KRT28: variants seen among roughly 807,000 people sequenced by gnomAD.
KRT28 encodes the protein keratin, type I cytoskeletal 28.
Under a neutral mutation model 48.1 loss-of-function variants are expected in KRT28, and 45 were observed. That is an observed-to-expected ratio of 0.94 (90% CI 0.74 to 1.20). The LOEUF is 1.20. KRT28 is among the 50% of genes most tolerant of loss of function. KRT28 has a pLI of 0.00. For synonymous variants in KRT28, 228 were observed against 227.4 expected (o/e 1.00, Z -0.03); for missense variants, 571 against 574.1 (o/e 0.99, Z 0.06).
At chr17:40,799,068 T>A (rs1249028232) in intron 1 of KRT28, 69 bp from the exon 2 acceptor site, 1 of 983,014 alleles carries the variant, frequency 1.0e-6, no homozygotes, top group African/African-American at 1.7e-5. Context: ...TTTCAGGAAA[T>A]GAAAAAGGTT....
In KRT28 at chr17:40,792,246, C is replaced by A; in HGVS notation, c.*181G>T. On this transcript the variant is annotated 3_prime_UTR_variant, in exon 8 of 8. Coordinates refer to ENST00000306658, the MANE Select transcript of KRT28 (RefSeq NM_181535.3). Reference sequence around the variant, plus strand: ...AGTCATCAGTGAATGGAAATGAATGCACATCAACTTTTTTATTTATTGGAA... The same window carrying A: ...AGTCATCAGTGAATGGAAATGAATGAACATCAACTTTTTTATTTATTGGAA... 1 of 441,818 alleles carries A rather than the reference C, an allele frequency of 2.3e-6. No individual in the cohort carries two copies. The highest frequency in any genetic ancestry group is 3.9e-6 in the Non-Finnish European group (1 of 254,710). The allele number at this position is 441,818 out of a possible 1,614,324, so 27.4% of individuals were successfully genotyped here.
At chr17:40,795,836 C>T (rs1904600552) in intron 5 of KRT28, among the ~76,000 whole-genome samples, 3 of 152,122 alleles carry the variant, frequency 2.0e-5, no homozygotes, top group Admixed American at 1.3e-4. Context: ...GCTCCTGCAG[C>T]AGGAACAGAG....
Position 40,797,271 on chromosome 17 carries a change from G to C in KRT28, c.701C>G (p.Ala234Gly). Residue 234 changes from alanine (A) to glycine (G), a missense_variant, in exon 4 of 8, where the codon GCT becomes GGT. Transcript: ENST00000306658. ...LKKNHEEEMK[A>G]LQCAAGGNVN... ...GTTGCCCCCAGCCGCGCACTGCAGA[G>C]CCTTCATCTCCTGGAGAGAAGCAAG... is the stretch of plus-strand genomic sequence containing the variant. The C allele has an allele frequency of 6.2e-7, 1 of 1,613,502 alleles. No individual in the cohort carries two copies. Among genetic ancestry groups the C allele is most frequent in the Non-Finnish European group, 8.5e-7 (1 of 1,179,594 alleles).
At chr17:40,794,840 C>T (rs1426530445) in intron 5 of KRT28, among the ~76,000 whole-genome samples, 4 of 152,100 alleles carry the variant, frequency 2.6e-5, no homozygotes, top group Non-Finnish European at 4.4e-5. Context: ...CTTTCATTTT[C>T]CTTTTCTTGT....
Position 40,798,528 on chromosome 17 carries a change from C to T in KRT28, c.534-137G>A, listed in dbSNP as rs894843717. On this transcript the variant is annotated intron_variant, in intron 2 of 7. Coordinates refer to ENST00000306658, the MANE Select transcript of KRT28 (RefSeq NM_181535.3). ...ATAGTATAAAAATATATGAAGAAAGCGCTCCTGCATTACCCCCACTCAATT... is the reference window on the plus strand; with the variant it reads ...ATAGTATAAAAATATATGAAGAAAGTGCTCCTGCATTACCCCCACTCAATT... 31 of 910,070 alleles carry T rather than the reference C, an allele frequency of 3.4e-5. No homozygotes were observed. In the Admixed American group the frequency reaches 4.5e-4, roughly 13 times the overall value. 56.4% of individuals were successfully genotyped at this position (910,070 alleles called of 1,614,324 possible).
In KRT28 at chr17:40,799,743, C is replaced by T. The variant is rs1283908158; in HGVS notation, c.151G>A (p.Gly51Arg). The change falls in exon 1 of 8, where the codon GGG becomes AGG. Residue 51 changes from glycine (G) to arginine (R), a missense_variant. By Grantham distance (125) the Gly-to-Arg change is moderately radical. Coordinates refer to ENST00000306658, the MANE Select transcript of KRT28 (RefSeq NM_181535.3). ...AGSEFSCALGGGLGSVPGGSH... is the reference protein window; with the variant it reads ...AGSEFSCALGRGLGSVPGGSH... ...CCACCAGGAACACTGCCCAAGCCCC[C>T]TCCCAAGGCACAGGAAAATTCACTT... 6.2e-7 allele frequency: 1 copy of T among 1,613,990 alleles called. No individual in the cohort carries two copies. Among genetic ancestry groups the T allele is most frequent in the Admixed American group, 1.7e-5 (1 of 59,996 alleles).
intron 5 of KRT28, among the ~76,000 whole-genome samples, chr17:40,796,076 T>A (rs1253564971): frequency 1.3e-5 from 2 of 152,158 alleles, no homozygotes; most frequent in Non-Finnish European, 2.9e-5. Context: ...ATCAAAAGAA[T>A]CTCCCGTTGT....
In KRT28 at chr17:40,792,413, C is replaced by A. The variant is rs1233983782; in HGVS notation, c.*14G>T. ...GGATCCTTTCCCAAATTATTCTTTT[C>A]TCTAAAATGACAGCTAGAAAGGAAC... On this transcript the variant is annotated 3_prime_UTR_variant, in exon 8 of 8. Transcript: ENST00000306658. 2 of 1,600,670 alleles carry A rather than the reference C, an allele frequency of 1.2e-6. No homozygotes were observed. The highest frequency in any genetic ancestry group is 1.7e-6 in the Non-Finnish European group (2 of 1,173,946).
chr17:40,797,429 A>C, intron 3 of KRT28, 148 bp from the exon 4 acceptor site: 1 of 740,262 alleles, frequency 1.4e-6, no homozygotes, highest in Non-Finnish European at 2.2e-6. Context: ...TATTCGGTCC[A>C]TATTCATGCC....
At position 40,792,391 on chromosome 17, in the gene KRT28, T is replaced by C. The variant is rs1318347918; in HGVS notation, c.*36A>G. The C allele has an allele frequency of 1.3e-6, 2 of 1,574,688 alleles. No homozygotes were observed. Among genetic ancestry groups the C allele is most frequent in the East Asian group, 4.5e-5 (2 of 44,374 alleles). On this transcript the variant is annotated 3_prime_UTR_variant, in exon 8 of 8. Transcript: ENST00000306658. ...TTTAGAATAATGCAATTGTACAGGATCCTTTCCCAAATTATTCTTTTCTCT... is the reference window on the plus strand; with the variant it reads ...TTTAGAATAATGCAATTGTACAGGACCCTTTCCCAAATTATTCTTTTCTCT...
rs1278211856 is a variant in KRT28 at position 40,799,056 on chromosome 17, T to G, written c.451-57A>C. ...GTAAGTATGCTTTTATGTGATTCAT[T>G]ATTTCAGGAAATGAAAAAGGTTACT... is the stretch of plus-strand genomic sequence containing the variant. On this transcript the variant is annotated intron_variant, in intron 1 of 7. Coordinates refer to ENST00000306658, the MANE Select transcript of KRT28 (RefSeq NM_181535.3). 4 of 1,056,348 alleles carry G rather than the reference T, an allele frequency of 3.8e-6. No individual in the cohort carries two copies. The East Asian group carries it at 1.0e-4, about 27-fold the overall frequency. 65.4% of individuals were successfully genotyped at this position (1,056,348 alleles called of 1,614,324 possible).
At chr17:40,793,320 C>T (rs1226274225) in intron 6 of KRT28, 110 bp from the exon 7 acceptor site, 1 of 603,702 alleles carries the variant, frequency 1.7e-6, no homozygotes, top group East Asian at 3.4e-5. Flanking sequence ...TCTTAGTTTT[C>T]TATAGAGGAA....
intron 5 of KRT28, among the ~76,000 whole-genome samples, chr17:40,795,114 G>C (rs141638668): frequency 2.6e-5 from 4 of 152,116 alleles, no homozygotes; most frequent in Middle Eastern, 6.8e-3. Flanking sequence ...TTGTCTTAAC[G>C]GGCAGACATT....
At chr17:40,797,397 G>A (rs1158284692) in intron 3 of KRT28, 116 bp from the exon 4 acceptor site, 4 of 966,084 alleles carry the variant, frequency 4.1e-6, no homozygotes, top group Non-Finnish European at 6.2e-6. Context: ...ATAATTTATG[G>A]CACACAATTT....
At position 40,799,470 on chromosome 17, in the gene KRT28, G is replaced by T. The variant is rs779356749; in HGVS notation, c.424C>A (p.Leu142Ile). 1 of 1,609,462 alleles carries T rather than the reference G, an allele frequency of 6.2e-7. No individual in the cohort carries two copies. The highest frequency in any genetic ancestry group is 8.5e-7 in the Non-Finnish European group (1 of 1,176,594). Residue 142 changes from leucine to isoleucine, a missense_variant, in exon 1 of 8, where the codon CTA (leucine) becomes ATA (isoleucine). Transcript: ENST00000306658. The stretch of plus-strand genomic sequence containing the variant: ...TTATTCTTAAGATCCTCAATTGTTA[G>T]GTGATATCTGCTATAGTCATGATCA... Reference protein sequence around the residue: ...GLDHDYSRYHLTIEDLKNKII... With the variant: ...GLDHDYSRYHITIEDLKNKII...
In KRT28 at chr17:40,797,032, G is replaced by A. The variant is rs780293570; in HGVS notation, c.862C>T (p.Leu288=). Residue 288 remains leucine, a synonymous_variant, in exon 5 of 8, where the codon CTG becomes TTG. Coordinates refer to ENST00000306658, the MANE Select transcript of KRT28 (RefSeq NM_181535.3). ...GAGTCGTGGGAGATCTGTTGCTGCA[G>A]CGAGGCGCTCTGTAGGGCCGGGAAA... ...EAWFNEKSAS[L]QQQISHDSGA... The A allele has an allele frequency of 5.5e-5, 88 of 1,611,908 alleles. 2 individuals are homozygous for A. The South Asian group carries it at 9.6e-4, about 18-fold the overall frequency.
At chr17:40,797,361 A>C (rs1474441284) in intron 3 of KRT28, 80 bp from the exon 4 acceptor site, 3 of 1,417,398 alleles carry the variant, frequency 2.1e-6, no homozygotes, top group Non-Finnish European at 2.9e-6. Flanking sequence ...GTGTTACTTT[A>C]TGTCTCAAAG....
chr17:40,795,582 C>A (rs1332533160), intron 5 of KRT28, among the ~76,000 whole-genome samples: 2 of 152,228 alleles, frequency 1.3e-5, no homozygotes, highest in Non-Finnish European at 2.9e-5. Context: ...AACAGGGCCT[C>A]AGGGATGTAA....
intron 3 of KRT28, 58 bp downstream of exon 3, chr17:40,798,177 T>A: frequency 6.6e-7 from 1 of 1,507,900 alleles, no homozygotes; most frequent in Admixed American, 1.8e-5. Flanking sequence ...CCCCAACCCC[T>A]GCCCAGTATT....
Sources: gnomAD v4.1 joint callset for allele counts (sites outside exome capture counted in the v4.1 genomes callset) on GRCh38, gnomAD v4.1.1 for gene constraint, MANE v1.5 for transcripts, NCBI Gene and HGNC (gene_info 2026-07-23, HGNC 2026-07-21) for gene names.